The following CCDC91 variants were observed in gnomAD, a reference collection of about 807,000 sequenced individuals.
CCDC91 encodes the protein coiled-coil domain-containing protein 91.
A neutral mutation model predicts 63.2 loss-of-function variants in CCDC91; 48 were observed. The observed-to-expected ratio is 0.76, with a 90% CI of 0.60 to 0.97. CCDC91 has a LOEUF of 0.97. Ranked by LOEUF, CCDC91 falls within the 50% of genes least tolerant of loss-of-function variation. The pLI, the probability that CCDC91 is intolerant of heterozygous loss-of-function variation, is 0.00. For missense variants in CCDC91, 500 were observed against 494.6 expected (o/e 1.01, Z -0.10); for synonymous variants, 167 against 165.8 (o/e 1.01, Z -0.06).
chr12:28,442,840 A>ATGTT (rs140976492), intron 8 of CCDC91, among the ~76,000 whole-genome samples: 7 of 151,976 alleles, frequency 4.6e-5, no homozygotes, highest in East Asian at 3.8e-4. Context: ...ATGTCAAAGT[A>ATGTT]TGTTTGTTTG....
At chr12:28,337,273 G>A (rs1176766065) in intron 6 of CCDC91, among the ~76,000 whole-genome samples, 1 of 152,048 alleles carries the variant, frequency 6.6e-6, no homozygotes, top group Admixed American at 6.6e-5. Context: ...TGTATTTGAT[G>A]TTTTTCGTTA....
At chr12:28,401,141 C>T (rs1336794085) in intron 8 of CCDC91, among the ~76,000 whole-genome samples, 3 of 152,216 alleles carry the variant, frequency 2.0e-5, no homozygotes, top group Middle Eastern at 6.8e-3. Context: ...AGTATTAGTT[C>T]GTTTCATGCT....
chr12:28,416,931 T>C (rs1947700094), intron 8 of CCDC91, among the ~76,000 whole-genome samples: 1 of 152,196 alleles, frequency 6.6e-6, no homozygotes, highest in South Asian at 2.1e-4. Context: ...GACCACTTCC[T>C]ATTGGCCTTG....
intron 3 of CCDC91, among the ~76,000 whole-genome samples, chr12:28,279,912 T>C (rs1336967367): frequency 1.0e-5 from 1 of 98,838 alleles, no homozygotes; most frequent in African/African-American, 2.7e-5. Flanking sequence ...TACACTTTTG[T>C]TTATGCAGTC....
At chr12:28,217,423 C>G (rs560545473) in intron 1 of CCDC91, among the ~76,000 whole-genome samples, 3 of 152,200 alleles carry the variant, frequency 2.0e-5, no homozygotes, top group Non-Finnish European at 4.4e-5. Flanking sequence ...GAACTGACTG[C>G]TCAAGCTTGT....
chr12:28,352,627 A>T (rs1425129499), intron 6 of CCDC91, among the ~76,000 whole-genome samples: 2 of 151,990 alleles, frequency 1.3e-5, no homozygotes, highest in African/African-American at 4.8e-5. Flanking sequence ...TTTACTTACA[A>T]CTCTAGTTTT....
At chr12:28,477,815 A>G (rs1951195297) in intron 11 of CCDC91, among the ~76,000 whole-genome samples, 1 of 152,154 alleles carries the variant, frequency 6.6e-6, no homozygotes, top group African/African-American at 2.4e-5. Context: ...CTTATACACC[A>G]ATAACAGACA....
chr12:28,502,578 A>C (rs1330760674), intron 12 of CCDC91, among the ~76,000 whole-genome samples: 2 of 150,288 alleles, frequency 1.3e-5, no homozygotes, highest in African/African-American at 2.4e-5. Flanking sequence ...ATTGGAAAAA[A>C]CTACTTTAAA....
At chr12:28,333,141 A>G (rs1334101583) in intron 6 of CCDC91, among the ~76,000 whole-genome samples, 2 of 152,042 alleles carry the variant, frequency 1.3e-5, no homozygotes, top group Admixed American at 1.3e-4. Context: ...CACACCTGTA[A>G]TTGCAGCACT....
At chr12:28,401,789 A>G (rs549849626) in intron 8 of CCDC91, among the ~76,000 whole-genome samples, 9 of 152,324 alleles carry the variant, frequency 5.9e-5, no homozygotes, top group African/African-American at 2.2e-4. Context: ...TGTTGTATGT[A>G]AGAAATCTTT....
At chr12:28,399,907 C>T (rs550924825) in intron 8 of CCDC91, among the ~76,000 whole-genome samples, 4 of 152,314 alleles carry the variant, frequency 2.6e-5, no homozygotes, top group Admixed American at 6.5e-5. Flanking sequence ...CTTTCATGGG[C>T]AGGCATTGAG....
At chr12:28,317,204 T>G (rs1939986775) in intron 6 of CCDC91, among the ~76,000 whole-genome samples, 1 of 152,050 alleles carries the variant, frequency 6.6e-6, no homozygotes, top group Non-Finnish European at 1.5e-5. Flanking sequence ...GGATATAGAT[T>G]TGTGATAGGA....
intron 1 of CCDC91, among the ~76,000 whole-genome samples, chr12:28,202,380 G>T (rs1177825960): frequency 6.6e-6 from 1 of 152,128 alleles, no homozygotes; most frequent in East Asian, 1.9e-4. Context: ...TATCTAATGT[G>T]GTAACTCTGG....
chr12:28,217,396 T>C (rs902686953), intron 1 of CCDC91, among the ~76,000 whole-genome samples: 7 of 152,186 alleles, frequency 4.6e-5, no homozygotes, highest in African/African-American at 1.7e-4. Flanking sequence ...TAGGAAATTT[T>C]CCGAAACAGC....
chr12:28,235,940 G>T (rs1489663828), intron 1 of CCDC91, among the ~76,000 whole-genome samples: 2 of 151,982 alleles, frequency 1.3e-5, no homozygotes, highest in Non-Finnish European at 2.9e-5. Context: ...CATTTTGTCA[G>T]TGACACAATT....
chr12:28,366,556 G>A (rs1473044556), intron 7 of CCDC91, among the ~76,000 whole-genome samples: 1 of 152,200 alleles, frequency 6.6e-6, no homozygotes, highest in Non-Finnish European at 1.5e-5. Flanking sequence ...CACTGGGGTG[G>A]TGTTAATGAA....
At chr12:28,298,426 G>A (rs1937650740) in intron 3 of CCDC91, among the ~76,000 whole-genome samples, 1 of 149,104 alleles carries the variant, frequency 6.7e-6, no homozygotes, top group African/African-American at 2.5e-5. Flanking sequence ...TTTGAAGCTG[G>A]ATCTTTTCCT....
At chr12:28,532,154 T>C (rs1186687695) in intron 12 of CCDC91, among the ~76,000 whole-genome samples, 1 of 151,894 alleles carries the variant, frequency 6.6e-6, no homozygotes, top group Non-Finnish European at 1.5e-5. Context: ...TGAGAAAAGG[T>C]AAGGAGAACA....
At chr12:28,444,027 A>G (rs1283747596) in intron 8 of CCDC91, among the ~76,000 whole-genome samples, 1 of 152,178 alleles carries the variant, frequency 6.6e-6, no homozygotes, top group Non-Finnish European at 1.5e-5. Context: ...TGATAGCATC[A>G]TTGGTCACAG....
Sources: gnomAD v4.1 joint callset for allele counts (sites outside exome capture counted in the v4.1 genomes callset) on GRCh38, gnomAD v4.1.1 for gene constraint, MANE v1.5 for transcripts, NCBI Gene and HGNC (gene_info 2026-07-23, HGNC 2026-07-21) for gene names.